ABCC1: variants seen among roughly 807,000 people sequenced by gnomAD.
The protein encoded by ABCC1 is ATP binding cassette subfamily C member 1 (ABCC1 blood group).
ABCC1 carries 83 observed loss-of-function variants against 172.9 expected under a neutral mutation model. The ratio of observed to expected loss-of-function variants is 0.48; its 90% CI spans 0.40 to 0.58. ABCC1 has a LOEUF of 0.58. ABCC1 is among the 20% of genes least tolerant of loss of function. ABCC1 has a pLI of 0.00. For missense variants in ABCC1, 1,817 were observed against 2,002.7 expected (o/e 0.91, Z 1.77); for synonymous variants, 937 against 825.2 (o/e 1.14, Z -2.32).
Position 16,141,283 on chromosome 16 carries a change from C to T in ABCC1, c.*2C>T. ...GCCAAAGACGCCGGCTTGGTGTGAG[C>T]CCCAGAGCTGGCATATCTGGTCAGA... On this transcript the variant is annotated 3_prime_UTR_variant, in exon 31 of 31. Coordinates refer to ENST00000399410, the MANE Select transcript of ABCC1 (RefSeq NM_004996.4). 6.2e-7 allele frequency: 1 copy of T among 1,613,660 alleles called. No homozygotes were observed. Among genetic ancestry groups the T allele is most frequent in the Non-Finnish European group, 8.5e-7 (1 of 1,179,818 alleles).
At chr16:16,024,781 C>T (rs892245929) in intron 5 of ABCC1, among the ~76,000 whole-genome samples, 1 of 152,120 alleles carries the variant, frequency 6.6e-6, no homozygotes, top group African/African-American at 2.4e-5. Context: ...ATACATTGGA[C>T]ATGGGGGTGA....
chr16:15,966,156 T>A (rs1008509226), intron 1 of ABCC1, among the ~76,000 whole-genome samples: 1 of 152,072 alleles, frequency 6.6e-6, no homozygotes, highest in Admixed American at 6.6e-5. Context: ...GGCTCACGAC[T>A]GTAATCCTAG....
chr16:15,966,974 C>A (rs958271279), intron 1 of ABCC1, among the ~76,000 whole-genome samples: 7 of 152,154 alleles, frequency 4.6e-5, no homozygotes, highest in Admixed American at 1.3e-4. Flanking sequence ...CACCACTGTG[C>A]CTGGCCTGCA....
At chr16:15,969,205 G>C (rs980387577) in intron 1 of ABCC1, among the ~76,000 whole-genome samples, 1 of 152,076 alleles carries the variant, frequency 6.6e-6, no homozygotes, top group Non-Finnish European at 1.5e-5. Flanking sequence ...CTCTGTCTCA[G>C]AAAAACAAAA....
At chr16:16,008,464 C>G (rs1330566448) in intron 2 of ABCC1, among the ~76,000 whole-genome samples, 4 of 151,784 alleles carry the variant, frequency 2.6e-5, no homozygotes, top group African/African-American at 9.7e-5. Flanking sequence ...CTTGGTCTCC[C>G]AAAGTACTGG....
chr16:16,024,534 G>T (rs1456902817), intron 5 of ABCC1, among the ~76,000 whole-genome samples: 1 of 152,128 alleles, frequency 6.6e-6, no homozygotes, highest in Admixed American at 6.6e-5. Context: ...TCTGTTTTTG[G>T]TAGAGATGGG....
chr16:16,006,565 C>CTTT (rs11441919), intron 1 of ABCC1, among the ~76,000 whole-genome samples: 1 of 147,960 alleles, frequency 6.8e-6, no homozygotes, highest in African/African-American at 2.5e-5. Flanking sequence ...AAAATACAGG[C>CTTT]TTTTTTTTTT....
At chr16:16,049,486 C>T (rs1033061837) in intron 10 of ABCC1, among the ~76,000 whole-genome samples, 1 of 152,130 alleles carries the variant, frequency 6.6e-6, no homozygotes. Context: ...TGCTTTGCTA[C>T]CTCTGGATCT....
At chr16:16,069,448 G>A (rs2050248633) in intron 13 of ABCC1, among the ~76,000 whole-genome samples, 1 of 151,972 alleles carries the variant, frequency 6.6e-6, no homozygotes, top group Non-Finnish European at 1.5e-5. Context: ...GCCATTGACT[G>A]TGTAAGGAGG....
At chr16:16,012,262 A>T (rs4780589) in intron 3 of ABCC1, among the ~76,000 whole-genome samples, 2 of 151,992 alleles carry the variant, frequency 1.3e-5, no homozygotes, top group Non-Finnish European at 2.9e-5. Context: ...TAAGTGGTAG[A>T]GCCAGCTTCC....
At chr16:16,103,337 C>T (rs1241889812) in intron 20 of ABCC1, among the ~76,000 whole-genome samples, 8 of 152,048 alleles carry the variant, frequency 5.3e-5, no homozygotes, top group South Asian at 2.1e-4. Flanking sequence ...CCCAGCACTT[C>T]GGGAGGCTGA....
chr16:16,085,293 C>G (rs1247559847), intron 17 of ABCC1, among the ~76,000 whole-genome samples: 1 of 152,218 alleles, frequency 6.6e-6, no homozygotes, highest in Non-Finnish European at 1.5e-5. Flanking sequence ...GGGGTGCCTC[C>G]CCTGCTGCTT....
intron 1 of ABCC1, among the ~76,000 whole-genome samples, chr16:15,954,358 T>C (rs546088764): frequency 1.3e-4 from 20 of 152,146 alleles, no homozygotes; most frequent in African/African-American, 4.8e-4. Flanking sequence ...CTGCCCCTCC[T>C]TCCAGACCCT....
At chr16:16,018,631 G>C (rs1270127364) in intron 5 of ABCC1, among the ~76,000 whole-genome samples, 2 of 152,026 alleles carry the variant, frequency 1.3e-5, no homozygotes, top group Middle Eastern at 3.4e-3. Context: ...AGAGGAGCTG[G>C]GTTGGAGAAA....
intron 5 of ABCC1, among the ~76,000 whole-genome samples, chr16:16,028,095 C>G (rs904160412): frequency 4.6e-5 from 7 of 152,178 alleles, no homozygotes; most frequent in Non-Finnish European, 7.3e-5. Context: ...CCCTCCACCC[C>G]TGCCGCCTTC....
At chr16:16,133,372 T>TTGTTTTTG (rs1555504067) in intron 27 of ABCC1, among the ~76,000 whole-genome samples, 1 of 148,556 alleles carries the variant, frequency 6.7e-6, no homozygotes, top group African/African-American at 2.5e-5. Flanking sequence ...CTTGCTGTCT[T>TTGTTTTTG]TTTTTGTTTT....
At chr16:16,040,167 C>T (rs2048922222) in intron 7 of ABCC1, among the ~76,000 whole-genome samples, 2 of 152,034 alleles carry the variant, frequency 1.3e-5, no homozygotes, top group South Asian at 4.1e-4. Context: ...ATGATAACAG[C>T]TCATTGCAGC....
At chr16:15,967,776 C>A (rs79383977) in intron 1 of ABCC1, among the ~76,000 whole-genome samples, 1,234 of 101,710 alleles carry the variant, frequency 0.012, 27 homozygotes, top group African/African-American at 0.037. Context: ...AAAAAAACAA[C>A]AAAAAAAAAA....
intron 18 of ABCC1, among the ~76,000 whole-genome samples, chr16:16,089,740 G>A (rs2051162687): frequency 1.3e-5 from 2 of 151,500 alleles, no homozygotes; most frequent in African/African-American, 4.8e-5. Context: ...AGCCAGGTGT[G>A]GTGGCGGGCG....
Sources: gnomAD v4.1 joint callset for allele counts (sites outside exome capture counted in the v4.1 genomes callset) on GRCh38, gnomAD v4.1.1 for gene constraint, MANE v1.5 for transcripts, NCBI Gene and HGNC (gene_info 2026-07-23, HGNC 2026-07-21) for gene names.